LAMA5: variants seen among roughly 807,000 people sequenced by gnomAD.
LAMA5 encodes the protein laminin subunit alpha-5.
A neutral mutation model predicts 433.4 loss-of-function variants in LAMA5; 260 were observed. The observed-to-expected ratio is 0.60, with a 90% CI of 0.54 to 0.66. The LOEUF (loss-of-function observed/expected upper bound fraction) is 0.66. LAMA5 is among the 30% of genes least tolerant of loss of function. The pLI is 0.00. For synonymous variants in LAMA5, 2,620 were observed against 2,226.6 expected, an observed-to-expected ratio of 1.18 and a Z score of -4.97; for missense variants, 5,378 against 5,258.5, an observed-to-expected ratio of 1.02 and a Z score of -0.70.
At position 62,328,352 on chromosome 20, in the gene LAMA5, G is replaced by A. The variant is rs762514718; in HGVS notation, c.4541C>T (p.Pro1514Leu). ...TIPPDCLLCQPQTFGCHPLVG... is the reference protein window; with the variant it reads ...TIPPDCLLCQLQTFGCHPLVG... ...CAGGGGGTGGCAGCCAAAGGTCTGG[G>A]GCTGGCACAGCAGGCAGTCGGGCGG... The change falls in exon 35 of 80, where the codon CCC becomes CTC. Residue 1514 changes from proline to leucine, a missense_variant. Pro to Leu is a moderately conservative substitution (Grantham distance 98). Coordinates refer to ENST00000252999, the MANE Select transcript of LAMA5 (RefSeq NM_005560.6). 4.4e-6 allele frequency: 7 copies of A among 1,596,134 alleles called. No individual in the cohort carries two copies. Among genetic ancestry groups the A allele is most frequent in the African/African-American group, 1.3e-5 (1 of 74,796 alleles).
rs1249302675 is a variant in LAMA5 at position 62,327,317 on chromosome 20, T to C, written c.5028A>G (p.Ala1676=). ...CAGCCTCAGGCACGTGCCGCAGGTC[T>C]GCACGGAGCATCTCCGTCCCTGGCT... ...ERQPGTEMLR[A]DLRHVPEAVP... Residue 1676 remains alanine, a synonymous_variant, in exon 38 of 80, where the codon GCA becomes GCG. Transcript: ENST00000252999. 6.2e-7 allele frequency: 1 copy of C among 1,600,422 alleles called. No individual in the cohort carries two copies. The highest frequency in any genetic ancestry group is 8.5e-7 in the Non-Finnish European group (1 of 1,173,520).
In LAMA5 at chr20:62,352,220, G is replaced by T. The variant is rs371515726; in HGVS notation, c.687+22C>A. Reference sequence around the variant, plus strand: ...CTCTCCGTTCTCCAGCCCCCGTACCGCCCTGCCCCTCCCCGGCCCACCTCT... The same window carrying T: ...CTCTCCGTTCTCCAGCCCCCGTACCTCCCTGCCCCTCCCCGGCCCACCTCT... On this transcript the variant is annotated intron_variant, in intron 4 of 79. Coordinates refer to ENST00000252999, the MANE Select transcript of LAMA5 (RefSeq NM_005560.6). The T allele has an allele frequency of 1.6e-4, 247 of 1,569,078 alleles. No homozygotes were observed. In the African/African-American group the frequency reaches 3.1e-3, roughly 20 times the overall value.
At chr20:62,363,772 C>T (rs1352712557) in intron 1 of LAMA5, among the ~76,000 whole-genome samples, 1 of 152,054 alleles carries the variant, frequency 6.6e-6, no homozygotes, top group Non-Finnish European at 1.5e-5. Context: ...GGGGAGATGC[C>T]TTCTCCCCAC....
Position 62,328,408 on chromosome 20 carries a change from C to T in LAMA5, c.4485G>A (p.Thr1495=), listed in dbSNP as rs369319537. The stretch of plus-strand genomic sequence containing the variant: ...TGCGTGGCGGGCAGATGCACTGGCC[C>T]GTGAGCTCGTCACAGAGGCGGGCAC... ...DCGARLCDEL[T]GQCICPPRTI... is the part of the protein sequence containing the mutation. The change falls in exon 35 of 80, where the codon ACG becomes ACA. Residue 1495 remains threonine, a synonymous_variant. Coordinates refer to ENST00000252999, the MANE Select transcript of LAMA5 (RefSeq NM_005560.6). 5.2e-5 allele frequency: 80 copies of T among 1,533,034 alleles called. 1 individual carries two copies. In the Admixed American group the frequency reaches 1.2e-3, roughly 23 times the overall value. 95.0% of individuals were successfully genotyped at this position (1,533,034 alleles called of 1,614,324 possible).
At chr20:62,311,880 C>T (rs1986317715) in intron 70 of LAMA5, 40 bp downstream of exon 70, 1 of 1,589,648 alleles carries the variant, frequency 6.3e-7, no homozygotes, top group Non-Finnish European at 8.6e-7. Context: ...GCGGGCGTCC[C>T]TCCAGACCTT....
rs748759602 is a variant in LAMA5 at position 62,324,397 on chromosome 20, C to T, written c.5643+44G>A. 27 of 1,515,858 alleles carry T rather than the reference C, an allele frequency of 1.8e-5. No individual in the cohort carries two copies. The highest frequency in any genetic ancestry group is 2.2e-5 in the Non-Finnish European group (24 of 1,101,008). The allele number at this position is 1,515,858 out of a possible 1,614,324, so 93.9% of individuals were successfully genotyped here. On this transcript the variant is annotated intron_variant, in intron 42 of 79. Coordinates refer to ENST00000252999, the MANE Select transcript of LAMA5 (RefSeq NM_005560.6). The surrounding 1 kb of genome is among the most constrained non-coding windows in gnomAD (Gnocchi z 4.4). ...TCTTCCCTGGCACACTTGACTGTGC[C>T]TTCAGTGAATGCTGCCCCCCTGGCC...
chr20:62,327,846 T>C lies in LAMA5; in HGVS notation c.4797+20A>G. 6.3e-7 allele frequency: 1 copy of C among 1,596,242 alleles called. No individual in the cohort carries two copies. The highest frequency in any genetic ancestry group is 8.5e-7 in the Non-Finnish European group (1 of 1,170,956). On this transcript the variant is annotated intron_variant, in intron 36 of 79. Coordinates refer to ENST00000252999, the MANE Select transcript of LAMA5 (RefSeq NM_005560.6). ...TGAGGCCGGAGGGAGAGGCCAGATCTGGGCCCAGCCCTCACTCACCTTACA... is the reference window on the plus strand; with the variant it reads ...TGAGGCCGGAGGGAGAGGCCAGATCCGGGCCCAGCCCTCACTCACCTTACA...
chr20:62,351,563 GT>G, intron 6 of LAMA5, 140 bp downstream of exon 6: 1 of 758,140 alleles, frequency 1.3e-6, no homozygotes, highest in Non-Finnish European at 2.2e-6. Flanking sequence ...GCGGTGGTCA[GT>G]GCAGGTCACA....
rs1979875729 is a variant in LAMA5 at position 62,329,201 on chromosome 20, TC to T, written c.4171del (p.Glu1391ArgfsTer53). ...GTCATAGGATTTATCCAGGGGCTCC[TC>T]CCGGAGGTAGCCAAAGCTGTAGACG... ...ENVYSFGYLREEPLDKSYDFI... is the reference protein window; with the variant it reads ...ENVYSFGYLRXEPLDKSYDFI... On this transcript the variant is annotated frameshift_variant, in exon 33 of 80. Transcript: ENST00000252999. LOFTEE classifies it high-confidence loss of function. The T allele has an allele frequency of 1.2e-6, 2 of 1,612,660 alleles. No individual in the cohort carries two copies. Among genetic ancestry groups the T allele is most frequent in the Non-Finnish European group, 1.7e-6 (2 of 1,179,902 alleles).
At chr20:62,333,531 G>GGCCCCCA (rs1285708952) in intron 24 of LAMA5, 33 bp downstream of exon 24, 5 of 1,574,490 alleles carry the variant, frequency 3.2e-6, no homozygotes, top group Non-Finnish European at 4.3e-6. Flanking sequence ...CCCCTGACCC[G>GGCCCCCA]GCCCCCAGCC....
intron 57 of LAMA5, chr20:62,316,286 G>A (rs1986922186): frequency 3.4e-6 from 2 of 585,152 alleles, no homozygotes; most frequent in South Asian, 2.0e-5. Flanking sequence ...TGTCCCCATT[G>A]TACAGATGAA....
rs150057353 is a variant in LAMA5, at chr20:62,362,430, G to A, written c.420C>T (p.Asn140=). The A allele has an allele frequency of 1.3e-5, 21 of 1,578,292 alleles. No individual in the cohort carries two copies. Among genetic ancestry groups the A allele is most frequent in the African/African-American group, 1.1e-4 (8 of 73,908 alleles). ...SPPLSRGLEY[N]EVNVTLDLGQ... ...CCAGGTCCAGGGTGACGTTGACCTC[G>A]TTGTACTCCAGGCCGCGGGACAGCG... The change falls in exon 2 of 80, where the codon AAC becomes AAT. Residue 140 remains asparagine (N), a synonymous_variant. Transcript: ENST00000252999.
At chr20:62,330,684 G>C in intron 30 of LAMA5, 59 bp downstream of exon 30, 1 of 1,559,350 alleles carries the variant, frequency 6.4e-7, no homozygotes, top group South Asian at 1.2e-5. Context: ...ACCTGCCCTG[G>C]GTTGGGACCC....
chr20:62,322,413 G>GT lies in LAMA5; in HGVS notation c.6201_6202insA (p.Arg2068ThrfsTer44), dbSNP rs1568921005. ...GCGGCCGGTCCACAAGCACACGGGC[G>GT]GCAGCCCCCGCAGCCATCGAAACCA... is the stretch of plus-strand genomic sequence containing the variant. On this transcript the variant is annotated frameshift_variant, in exon 47 of 80. Coordinates refer to ENST00000252999, the MANE Select transcript of LAMA5 (RefSeq NM_005560.6). LOFTEE classifies it high-confidence loss of function. 1 of 1,592,860 alleles carries GT rather than the reference G, an allele frequency of 6.3e-7. No homozygotes were observed. The highest frequency in any genetic ancestry group is 8.5e-7 in the Non-Finnish European group (1 of 1,170,706).
intron 45 of LAMA5, 100 bp from the exon 46 acceptor site, chr20:62,322,858 T>C (rs1276567887): frequency 1.3e-6 from 1 of 770,278 alleles, no homozygotes; most frequent in African/African-American, 1.8e-5. Context: ...TCCTGCTGTG[T>C]CTCCTCCAGG....
Position 62,312,445 on chromosome 20 carries a change from C to T in LAMA5, c.9315G>A (p.Arg3105=), listed in dbSNP as rs755981207. ...CGGCGCTCACGCCTGTCGTGTTCAGCCGCTTGAGGTCCACATACTTGCCCA... is the reference window on the plus strand; with the variant it reads ...CGGCGCTCACGCCTGTCGTGTTCAGTCGCTTGAGGTCCACATACTTGCCCA... ...KALGKYVDLK[R]LNTTGVSAGC... The change falls in exon 68 of 80, where the codon CGG becomes CGA. Residue 3105 remains arginine (R), a synonymous_variant. Coordinates refer to ENST00000252999, the MANE Select transcript of LAMA5 (RefSeq NM_005560.6). 22 of 1,597,994 alleles carry T rather than the reference C, an allele frequency of 1.4e-5. No homozygotes were observed. The East Asian group carries it at 4.5e-4, about 32-fold the overall frequency.
chr20:62,366,883 G>C, intron 1 of LAMA5, 66 bp downstream of exon 1: 4 of 1,229,940 alleles, frequency 3.3e-6, no homozygotes, highest in Non-Finnish European at 4.1e-6. Context: ...CTCCCCCTGG[G>C]GTCGGGCCGG....
rs2146169458 is a variant in LAMA5, at chr20:62,328,290, T to C, written c.4603A>G (p.Ile1535Val). ...CEECNCSGPG[I>V]QELTDPTCDT... ...CAGGTAGGGTCTGTGAGCTCCTGGA[T>C]GCCGGGCCCTGAGCAGTTACACTCC... The change falls in exon 35 of 80, where the codon ATC becomes GTC. Residue 1535 changes from isoleucine to valine, a missense_variant. Ile to Val is a conservative substitution (Grantham distance 29). Transcript: ENST00000252999. The C allele has an allele frequency of 6.2e-7, 1 of 1,607,868 alleles. No individual in the cohort carries two copies. The highest frequency in any genetic ancestry group is 8.5e-7 in the Non-Finnish European group (1 of 1,177,950).
chr20:62,336,665 C>A, intron 17 of LAMA5, 69 bp downstream of exon 17: 3 of 1,558,674 alleles, frequency 1.9e-6, no homozygotes, highest in Non-Finnish European at 2.6e-6. Context: ...CTGGTCTCAC[C>A]GGACTCGGGA....
Sources: gnomAD v4.1 joint callset for allele counts (sites outside exome capture counted in the v4.1 genomes callset) on GRCh38, gnomAD v4.1.1 for gene constraint, Gnocchi (gnomAD v3.1) non-coding constraint, MANE v1.5 for transcripts, NCBI Gene and HGNC (gene_info 2026-07-23, HGNC 2026-07-21) for gene names.